The following LPP variants were observed in gnomAD, a reference collection of about 807,000 sequenced individuals.
LPP encodes LIM domain containing preferred translocation partner in lipoma.
Under a neutral mutation model 60.4 loss-of-function variants are expected in LPP, and 38 were observed. That is an observed-to-expected ratio of 0.63 (90% CI 0.49 to 0.83). LPP has a LOEUF of 0.83. Ranked by LOEUF, LPP falls within the 40% of genes least tolerant of loss-of-function variation. The probability of loss-of-function intolerance (pLI) is 0.00; values close to 1 mark genes in which losing one functional copy is unlikely to be tolerated. For missense variants in LPP, 902 were observed against 783.6 expected (o/e 1.15, Z -1.80); for synonymous variants, 328 against 290.8 (o/e 1.13, Z -1.30).
chr3:188,726,562 G>A (rs2149968654), intron 8 of LPP, among the ~76,000 whole-genome samples: 1 of 152,284 alleles, frequency 6.6e-6, no homozygotes, highest in South Asian at 2.1e-4. Flanking sequence ...TCAGATAGCA[G>A]TATATCCTAT....
chr3:188,410,626 A>G (rs1784682329), intron 4 of LPP, among the ~76,000 whole-genome samples: 1 of 152,114 alleles, frequency 6.6e-6, no homozygotes, highest in Admixed American at 6.5e-5. Flanking sequence ...ATTTTGTAAC[A>G]AGTTGTGTTT....
chr3:188,842,972 T>C (rs1760404137), intron 9 of LPP, among the ~76,000 whole-genome samples: 1 of 152,230 alleles, frequency 6.6e-6, no homozygotes, highest in Non-Finnish European at 1.5e-5. Flanking sequence ...CAGATAAGAA[T>C]CACACCATAT....
intron 4 of LPP, among the ~76,000 whole-genome samples, chr3:188,452,874 C>T (rs1332724290): frequency 6.6e-6 from 1 of 152,092 alleles, no homozygotes; most frequent in Admixed American, 6.6e-5. Context: ...CTCTTTAAAT[C>T]TTTTATATCT....
intron 6 of LPP, among the ~76,000 whole-genome samples, chr3:188,560,208 C>A (rs1830352651): frequency 6.6e-6 from 1 of 152,034 alleles, no homozygotes; most frequent in South Asian, 2.1e-4. Context: ...GGTTTACTTC[C>A]CCTTCTGTAG....
intron 5 of LPP, among the ~76,000 whole-genome samples, chr3:188,501,025 T>G (rs867810786): frequency 1.2e-4 from 18 of 152,046 alleles, no homozygotes; most frequent in African/African-American, 4.3e-4. Flanking sequence ...TCTCTATTAT[T>G]TTTCTATTCT....
intron 4 of LPP, among the ~76,000 whole-genome samples, chr3:188,407,768 G>GTTTTTTGTTTTTTTTTTTTTTTT (rs1280628245): frequency 3.3e-5 from 2 of 61,280 alleles, no homozygotes; most frequent in Non-Finnish European, 3.4e-5. Context: ...CTCATTTATG[G>GTTTTTTGTTTTTTTTTTTTTTTT]TTTTTTTTTT....
intron 4 of LPP, among the ~76,000 whole-genome samples, chr3:188,436,783 A>G (rs1792419517): frequency 6.6e-6 from 1 of 152,194 alleles, no homozygotes; most frequent in African/African-American, 2.4e-5. Context: ...ACAAGGGCAA[A>G]AGTAGATGGG....
chr3:188,570,133 A>G (rs1352729492), intron 6 of LPP, among the ~76,000 whole-genome samples: 3 of 151,562 alleles, frequency 2.0e-5, no homozygotes, highest in African/African-American at 7.3e-5. Context: ...AGTGTACTCT[A>G]TTCATAATTT....
chr3:188,758,011 T>G (rs1009645218), intron 8 of LPP, among the ~76,000 whole-genome samples: 2 of 151,616 alleles, frequency 1.3e-5, no homozygotes, highest in Non-Finnish European at 2.9e-5. Context: ...AAGTTCAGTC[T>G]TGGATAAAAA....
intron 1 of LPP, among the ~76,000 whole-genome samples, chr3:188,192,869 C>T (rs1417328699): frequency 4.6e-5 from 7 of 152,176 alleles, no homozygotes; most frequent in South Asian, 2.1e-4. Context: ...CTCCAGGCGT[C>T]GGCAGTGCTC....
intron 2 of LPP, among the ~76,000 whole-genome samples, chr3:188,251,659 G>T (rs563690328): frequency 1.3e-5 from 2 of 152,174 alleles, no homozygotes; most frequent in African/African-American, 4.8e-5. Flanking sequence ...AAGAGTTGAG[G>T]ATTTGCTTAT....
intron 4 of LPP, among the ~76,000 whole-genome samples, chr3:188,475,016 TC>T (rs1380941611): frequency 2.0e-5 from 3 of 152,232 alleles, no homozygotes; most frequent in Non-Finnish European, 4.4e-5. Flanking sequence ...CGATTTGAAA[TC>T]CATTTAATGT....
At chr3:188,717,964 TATGCCAGC>T (rs901382714) in intron 8 of LPP, among the ~76,000 whole-genome samples, 1 of 152,160 alleles carries the variant, frequency 6.6e-6, no homozygotes, top group Non-Finnish European at 1.5e-5. Flanking sequence ...ATTACAGGCA[TATGCCAGC>T]ATGCCAGGCT....
chr3:188,571,425 T>C (rs1419677063), intron 6 of LPP, among the ~76,000 whole-genome samples: 2 of 149,818 alleles, frequency 1.3e-5, no homozygotes, highest in African/African-American at 4.9e-5. Flanking sequence ...CTTTCTAGGA[T>C]CACAAAAAAA....
chr3:188,558,802 T>C (rs1313703843), intron 6 of LPP, among the ~76,000 whole-genome samples: 1 of 152,102 alleles, frequency 6.6e-6, no homozygotes, highest in Admixed American at 6.6e-5. Context: ...GGTCAAAAGA[T>C]GAATCTAAAG....
At chr3:188,451,655 A>G (rs1176928225) in intron 4 of LPP, among the ~76,000 whole-genome samples, 1 of 152,194 alleles carries the variant, frequency 6.6e-6, no homozygotes, top group Non-Finnish European at 1.5e-5. Flanking sequence ...ACAAAGGGAA[A>G]GGAGAAGAGC....
At chr3:188,726,181 G>C (rs961036643) in intron 8 of LPP, among the ~76,000 whole-genome samples, 1 of 152,110 alleles carries the variant, frequency 6.6e-6, no homozygotes, top group African/African-American at 2.4e-5. Context: ...AGATTTGGGG[G>C]ATGAAGATCA....
chr3:188,218,616 T>TA lies in LPP; in HGVS notation c.-189-6785dup, dbSNP rs144101564. Among the ~76,000 whole-genome samples the TA allele has an allele frequency of 8.4e-3, 1,281 of 152,338 alleles. 16 individuals are homozygous for TA. The highest frequency in any genetic ancestry group is 0.029 in the African/African-American group (1,225 of 41,572). On this transcript the variant is annotated intron_variant, in intron 1 of 11. Transcript: ENST00000617246. ...TGTTATTGCTCATTCAAGTTTCTTC[T>TA]AAAATTTCTTTTATATTACCTATTC...
chr3:188,330,997 A>C, intron 2 of LPP, among the ~76,000 whole-genome samples: 1 of 151,828 alleles, frequency 6.6e-6, no homozygotes, highest in East Asian at 1.9e-4. Flanking sequence ...TAGTCTTCTT[A>C]TTTTTTCTTC....
Sources: allele counts gnomAD v4.1 joint callset (sites outside exome capture counted in the v4.1 genomes callset), GRCh38; gene constraint gnomAD v4.1.1; transcripts MANE v1.5; gene names NCBI Gene and HGNC (gene_info 2026-07-23, HGNC 2026-07-21).